CTU1: variants seen among roughly 807,000 people sequenced by gnomAD.
CTU1 encodes the protein cytosolic thiouridylase subunit 1.
CTU1 carries 15 observed loss-of-function variants against 12.9 expected under a neutral mutation model. The observed-to-expected ratio is 1.16, with a 90% CI of 0.78 to 1.79. The LOEUF (loss-of-function observed/expected upper bound fraction) is 1.79, where lower values mean the gene tolerates loss of function less well. Among genes scored for constraint, CTU1 ranks in the 40% most tolerant of loss-of-function variants. The probability of loss-of-function intolerance (pLI) is 0.00; values close to 1 mark genes in which losing one functional copy is unlikely to be tolerated. For synonymous variants in CTU1, 295 were observed against 275.6 expected (o/e 1.07, Z -0.70); for missense variants, 553 against 550.5 (o/e 1.00, Z -0.05).
intron 1 of CTU1, among the ~76,000 whole-genome samples, chr19:51,105,507 C>A (rs1461287923): frequency 2.0e-5 from 3 of 152,202 alleles, no homozygotes; most frequent in African/African-American, 7.2e-5. Flanking sequence ...TTCTCCTCCC[C>A]AAGCCACCAT....
At position 51,104,131 on chromosome 19, in the gene CTU1, A is replaced by G; in HGVS notation, c.439T>C (p.Cys147Arg). ...AGCGCCCGGCGCCGCAGCACTCCAC[A>G]GAAGGTGCAGCAGGAGCGGCTGCGG... Reference protein sequence around the residue: ...SGRSRSCCTFCGVLRRRALEE... With the variant: ...SGRSRSCCTFRGVLRRRALEE... Residue 147 changes from cysteine (C) to arginine (R), a missense_variant, in exon 2 of 3, where the codon TGT becomes CGT. By Grantham distance (180) the Cys-to-Arg change is radical. Around this residue, in one of 2 missense-constraint regions of CTU1, gnomAD observed 500 missense variants for 458.5 expected, o/e 1.09. Transcript: ENST00000421832. 1 of 1,510,368 alleles carries G rather than the reference A, an allele frequency of 6.6e-7. No individual in the cohort carries two copies. 93.6% of individuals were successfully genotyped at this position (1,510,368 alleles called of 1,614,324 possible).
intron 2 of CTU1, among the ~76,000 whole-genome samples, chr19:51,102,906 G>C (rs2091910640): frequency 6.6e-6 from 1 of 152,100 alleles, no homozygotes; most frequent in Admixed American, 6.5e-5. Context: ...CACGTCATAG[G>C]GTTCTCTGTG....
chr19:51,098,842 G>T lies in CTU1; in HGVS notation c.806C>A (p.Ser269Ter). 1 of 1,227,258 alleles carries T rather than the reference G, an allele frequency of 8.1e-7. No individual in the cohort carries two copies. Among genetic ancestry groups the T allele is most frequent in the South Asian group, 2.0e-5 (1 of 49,372 alleles). The allele number at this position is 1,227,258 out of a possible 1,614,324, so 76.0% of individuals were successfully genotyped here. The change falls in exon 3 of 3, where the codon TCG becomes TAG. Residue 269 changes from serine (S) to a stop codon, truncating the protein, a stop_gained. Transcript: ENST00000421832. LOFTEE classifies it low-confidence loss of function (END_TRUNC). The surrounding 1 kb of genome is among the most constrained non-coding windows in gnomAD (Gnocchi z 4.3). ...RPSAVLDLVH[S>*]AERLALAPAA... is the part of the protein sequence containing the mutation. ...CGGGGCCAGCGCCAGGCGCTCGGCC[G>T]AGTGCACGAGGTCCAGCACCGCGGA...
Position 51,104,367 on chromosome 19 carries a change from G to A in CTU1, c.203C>T (p.Ala68Val). 2.1e-6 allele frequency: 3 copies of A among 1,401,678 alleles called. No homozygotes were observed. The highest frequency in any genetic ancestry group is 1.8e-6 in the Non-Finnish European group (2 of 1,083,728). The allele number at this position is 1,401,678 out of a possible 1,614,324, so 86.8% of individuals were successfully genotyped here. The change falls in exon 2 of 3, where the codon GCG (alanine) becomes GTG (valine). Residue 68 changes from alanine (A) to valine (V), a missense_variant. Around this residue, in one of 2 missense-constraint regions of CTU1, gnomAD observed 500 missense variants for 458.5 expected, o/e 1.09. Transcript: ENST00000421832. Reference sequence around the variant, plus strand: ...CGGCGCCAGCGCGCGCAGCACGTGCGCCAGCACCGTGGAGTCCTTGCCGCC... The same window carrying A: ...CGGCGCCAGCGCGCGCAGCACGTGCACCAGCACCGTGGAGTCCTTGCCGCC... Reference protein sequence around the residue: ...ASGGKDSTVLAHVLRALAPRL... With the variant: ...ASGGKDSTVLVHVLRALAPRL...
At chr19:51,104,769 G>C (rs1209160333) in intron 1 of CTU1, among the ~76,000 whole-genome samples, 179 bp from the exon 2 acceptor site, 2 of 152,156 alleles carry the variant, frequency 1.3e-5, no homozygotes, top group Non-Finnish European at 2.9e-5. Context: ...TCCGGTGTAA[G>C]GAAGCCACTG....
chr19:51,101,499 G>C (rs578169545), intron 2 of CTU1, among the ~76,000 whole-genome samples: 21 of 152,272 alleles, frequency 1.4e-4, no homozygotes, highest in African/African-American at 5.1e-4. Context: ...CTAGTGGGTA[G>C]AGGCCAGGGA....
chr19:51,097,685 G>C lies in CTU1; in HGVS notation c.*916C>G, dbSNP rs374613614. On this transcript the variant is annotated 3_prime_UTR_variant, in exon 3 of 3. Transcript: ENST00000421832. The stretch of plus-strand genomic sequence containing the variant: ...CCCAGTGGTGCCTTGATGCGGGGGG[G>C]ATGGGGGGGCGGGGGGGAAGGGGGC... 1.5e-5 allele frequency: 2 copies of C among 137,924 alleles called. No individual in the cohort carries two copies. The highest frequency in any genetic ancestry group is 1.5e-4 in the Admixed American group (2 of 13,634). 8.5% of individuals were successfully genotyped at this position (137,924 alleles called of 1,614,324 possible).
At chr19:51,103,477 C>G (rs763427558) in intron 2 of CTU1, among the ~76,000 whole-genome samples, 11 of 150,776 alleles carry the variant, frequency 7.3e-5, no homozygotes, top group Non-Finnish European at 1.3e-4. Flanking sequence ...CCCGGCTACT[C>G]GGGAGGCTGA....
chr19:51,106,078 C>T (rs1157128010), intron 1 of CTU1, among the ~76,000 whole-genome samples: 1 of 152,160 alleles, frequency 6.6e-6, no homozygotes, highest in Non-Finnish European at 1.5e-5. Flanking sequence ...GGGATCATGC[C>T]CTGAATCTTC....
chr19:51,098,876 C>G lies in CTU1; in HGVS notation c.772G>C (p.Ala258Pro). ...ARDLLKRLEA[A>P]RPSAVLDLVH... ...AGGTCCAGCACCGCGGACGGCCGCG[C>G]CGCCTCCAGGCGCTTGAGCAGGTCC... The change falls in exon 3 of 3, where the codon GCG (alanine) becomes CCG (proline). Residue 258 changes from alanine to proline, a missense_variant. Ala to Pro is a conservative substitution (Grantham distance 27). Around this residue, in one of 2 missense-constraint regions of CTU1, gnomAD observed 500 missense variants for 458.5 expected, o/e 1.09. Coordinates refer to ENST00000421832, the MANE Select transcript of CTU1 (RefSeq NM_145232.4). The surrounding 1 kb of genome is among the most constrained non-coding windows in gnomAD (Gnocchi z 4.3). The G allele has an allele frequency of 1.4e-6, 2 of 1,442,376 alleles. No homozygotes were observed. Among genetic ancestry groups the G allele is most frequent in the Non-Finnish European group, 1.8e-6 (2 of 1,095,200 alleles). The allele number at this position is 1,442,376 out of a possible 1,614,324, so 89.3% of individuals were successfully genotyped here. A position where few individuals can be genotyped will look rare whatever the true frequency, so the allele number is the denominator to read the frequency against.
intron 2 of CTU1, among the ~76,000 whole-genome samples, chr19:51,102,550 C>T (rs1366877723): frequency 6.6e-6 from 1 of 152,238 alleles, no homozygotes; most frequent in Non-Finnish European, 1.5e-5. Context: ...CAACCATCAT[C>T]TCTCACCTCC....
intron 1 of CTU1, among the ~76,000 whole-genome samples, chr19:51,107,751 A>G (rs563696987): frequency 3.6e-4 from 55 of 152,270 alleles, no homozygotes; most frequent in Non-Finnish European, 7.5e-4. Context: ...TGAGAAGACC[A>G]GGAATTCCAT....
chr19:51,106,164 C>T (rs1023669950), intron 1 of CTU1, among the ~76,000 whole-genome samples: 1 of 152,210 alleles, frequency 6.6e-6, no homozygotes, highest in Non-Finnish European at 1.5e-5. Context: ...ACATGTGTGG[C>T]TCCTTGTTTC....
chr19:51,099,200 C>T, intron 2 of CTU1, 61 bp from the exon 3 acceptor site: 2 of 1,446,772 alleles, frequency 1.4e-6, no homozygotes, highest in South Asian at 2.4e-5. Flanking sequence ...GGCCAGGGAG[C>T]CCCCCGGGGA....
At chr19:51,107,591 A>C (rs1033318272) in intron 1 of CTU1, among the ~76,000 whole-genome samples, 26 of 152,106 alleles carry the variant, frequency 1.7e-4, no homozygotes, top group African/African-American at 6.3e-4. Context: ...GAAGAAGTGA[A>C]ATTTTGGATC....
At position 51,104,349 on chromosome 19, in the gene CTU1, A is replaced by AG. The variant is rs1425836461; in HGVS notation, c.220dup (p.Leu74ProfsTer16). On this transcript the variant is annotated frameshift_variant, in exon 2 of 3. Coordinates refer to ENST00000421832, the MANE Select transcript of CTU1 (RefSeq NM_145232.4). LOFTEE classifies it high-confidence loss of function. ...CAGTGAGATGCCCAGGCGCGGCGCCAGCGCGCGCAGCACGTGCGCCAGCAC... is the reference window on the plus strand; with the variant it reads ...CAGTGAGATGCCCAGGCGCGGCGCCAGGCGCGCGCAGCACGTGCGCCAGCAC... The AG allele has an allele frequency of 6.9e-7, 1 of 1,451,076 alleles. No homozygotes were observed. Among genetic ancestry groups the AG allele is most frequent in the Admixed American group, 2.5e-5 (1 of 39,440 alleles). 89.9% of individuals were successfully genotyped at this position (1,451,076 alleles called of 1,614,324 possible). A position where few individuals can be genotyped will look rare whatever the true frequency, so the allele number is the denominator to read the frequency against.
At chr19:51,107,160 T>C (rs1488437029) in intron 1 of CTU1, among the ~76,000 whole-genome samples, 1 of 152,160 alleles carries the variant, frequency 6.6e-6, no homozygotes, top group South Asian at 2.1e-4. Flanking sequence ...CAGAGCCTCA[T>C]AGGCCATGAT....
At chr19:51,100,197 G>A (rs2091903942) in intron 2 of CTU1, among the ~76,000 whole-genome samples, 1 of 152,022 alleles carries the variant, frequency 6.6e-6, no homozygotes, top group Non-Finnish European at 1.5e-5. Context: ...CAAGCTCCCT[G>A]GGGAACTTGG....
Position 51,098,380 on chromosome 19 carries a change from GC to G in CTU1, c.*220del. ...CTCTCAGACCTAGGATGGTCCCCCA[GC>G]CCCCTCCTCCCTCAGAGCCTGAAGC... On this transcript the variant is annotated 3_prime_UTR_variant, in exon 3 of 3. Coordinates refer to ENST00000421832, the MANE Select transcript of CTU1 (RefSeq NM_145232.4). The surrounding 1 kb of genome is among the most constrained non-coding windows in gnomAD (Gnocchi z 4.3). 5.5e-6 allele frequency: 2 copies of G among 360,988 alleles called. No individual in the cohort carries two copies. The highest frequency in any genetic ancestry group is 9.5e-6 in the Non-Finnish European group (2 of 209,534). 22.4% of individuals were successfully genotyped at this position (360,988 alleles called of 1,614,324 possible). A position where few individuals can be genotyped will look rare whatever the true frequency, so the allele number is the denominator to read the frequency against.
Sources: gnomAD v4.1 joint callset for allele counts (sites outside exome capture counted in the v4.1 genomes callset) on GRCh38, gnomAD v4.1.1 for gene constraint, gnomAD v4.1.1 regional missense constraint, Gnocchi (gnomAD v3.1) non-coding constraint, MANE v1.5 for transcripts, NCBI Gene and HGNC (gene_info 2026-07-23, HGNC 2026-07-21) for gene names.